TMTC1: variants seen among roughly 807,000 people sequenced by gnomAD.
The protein encoded by TMTC1 is transmembrane O-mannosyltransferase targeting cadherins 1, also known as protein O-mannosyl-transferase TMTC1.
TMTC1 carries 73 observed loss-of-function variants against 104.8 expected under a neutral mutation model. The observed-to-expected ratio is 0.70, with a 90% CI of 0.58 to 0.85. The LOEUF is 0.85. Among genes scored for constraint, TMTC1 ranks in the 40% least tolerant of loss-of-function variants. The pLI, the probability that TMTC1 is intolerant of heterozygous loss-of-function variation, is 0.00. For missense variants in TMTC1, 1,035 were observed against 1,096.1 expected (o/e 0.94, Z 0.79); for synonymous variants, 434 against 428.7 (o/e 1.01, Z -0.15).
chr12:29,547,597 T>G (rs1944975271), intron 10 of TMTC1, among the ~76,000 whole-genome samples: 1 of 152,222 alleles, frequency 6.6e-6, no homozygotes, highest in South Asian at 2.1e-4. Context: ...AGTTCTCTAT[T>G]TAAAACCTCA....
chr12:29,686,079 A>T (rs1565768596), intron 5 of TMTC1, among the ~76,000 whole-genome samples: 1 of 152,134 alleles, frequency 6.6e-6, no homozygotes, highest in Non-Finnish European at 1.5e-5. Context: ...TAAAACTTTC[A>T]CTAAGATCAC....
intron 10 of TMTC1, among the ~76,000 whole-genome samples, chr12:29,550,263 G>C (rs900168423): frequency 2.0e-5 from 3 of 152,152 alleles, no homozygotes; most frequent in Non-Finnish European, 4.4e-5. Flanking sequence ...GTGTGAAAGA[G>C]TCTAAGTTGA....
intron 5 of TMTC1, among the ~76,000 whole-genome samples, chr12:29,712,369 C>T (rs1044828067): frequency 1.3e-5 from 2 of 152,198 alleles, no homozygotes; most frequent in Non-Finnish European, 2.9e-5. Flanking sequence ...CTATCACCTT[C>T]CATTTACCAA....
At chr12:29,644,481 A>G (rs1939179907) in intron 5 of TMTC1, among the ~76,000 whole-genome samples, 1 of 152,030 alleles carries the variant, frequency 6.6e-6, no homozygotes, top group South Asian at 2.1e-4. Flanking sequence ...TCACATAACC[A>G]AATACCACCT....
chr12:29,527,870 A>G (rs1404871902), intron 11 of TMTC1, among the ~76,000 whole-genome samples: 2 of 152,214 alleles, frequency 1.3e-5, no homozygotes, highest in Admixed American at 6.5e-5. Flanking sequence ...GATATTTTCA[A>G]AATCCAAAGA....
At chr12:29,589,605 C>T (rs1255046289) in intron 7 of TMTC1, among the ~76,000 whole-genome samples, 1 of 152,176 alleles carries the variant, frequency 6.6e-6, no homozygotes, top group Non-Finnish European at 1.5e-5. Context: ...CTTGTAGGAA[C>T]AGAGCTGCCA....
At chr12:29,747,285 A>G (rs1040483968) in intron 5 of TMTC1, among the ~76,000 whole-genome samples, 4 of 152,202 alleles carry the variant, frequency 2.6e-5, no homozygotes, top group Non-Finnish European at 4.4e-5. Flanking sequence ...TTTACACACA[A>G]AACATTTCTC....
intron 5 of TMTC1, among the ~76,000 whole-genome samples, chr12:29,694,841 G>T (rs573450028): frequency 3.3e-5 from 5 of 152,284 alleles, no homozygotes; most frequent in African/African-American, 9.6e-5. Context: ...TTGGGAGGCT[G>T]GGGCAGGAGA....
intron 6 of TMTC1, chr12:29,613,929 A>G: frequency 2.0e-6 from 2 of 981,274 alleles, no homozygotes; most frequent in Non-Finnish European, 2.4e-6. Context: ...TGATTCATCT[A>G]TCCACTTGGA....
intron 5 of TMTC1, among the ~76,000 whole-genome samples, chr12:29,634,863 C>T (rs969772490): frequency 6.6e-6 from 1 of 152,166 alleles, no homozygotes; most frequent in Non-Finnish European, 1.5e-5. Flanking sequence ...AGCGTCAGTT[C>T]ACCCTGAATT....
Position 29,758,781 on chromosome 12 carries a change from G to A in TMTC1, c.481-4C>T. On this transcript the variant is annotated splice_polypyrimidine_tract_variant and splice_region_variant and intron_variant, in intron 2 of 17. Transcript: ENST00000539277. ...CTCTGCCAACGATCCCAGCCACCTT[G>A]GAAGTTAAAATAATAAAAAATGAAA... 1.3e-6 allele frequency: 2 copies of A among 1,593,326 alleles called. No individual in the cohort carries two copies. Among genetic ancestry groups the A allele is most frequent in the Non-Finnish European group, 1.7e-6 (2 of 1,172,322 alleles).
intron 5 of TMTC1, among the ~76,000 whole-genome samples, chr12:29,692,706 T>TTA (rs2136762002): frequency 6.9e-6 from 1 of 145,456 alleles, no homozygotes; most frequent in East Asian, 2.3e-4. Flanking sequence ...GTATAGAGTA[T>TTA]TATTCACGAC....
intron 10 of TMTC1, among the ~76,000 whole-genome samples, chr12:29,551,586 G>A (rs1023029329): frequency 6.6e-6 from 1 of 152,070 alleles, no homozygotes; most frequent in Non-Finnish European, 1.5e-5. Context: ...AATAAGGGAG[G>A]TATGACATGG....
intron 9 of TMTC1, among the ~76,000 whole-genome samples, chr12:29,557,908 C>T (rs1373551882): frequency 1.3e-5 from 2 of 152,088 alleles, no homozygotes; most frequent in African/African-American, 2.4e-5. Context: ...CAGTTTGGTT[C>T]CACCTGTCCT....
At chr12:29,691,915 C>T (rs1941280398) in intron 5 of TMTC1, among the ~76,000 whole-genome samples, 1 of 144,312 alleles carries the variant, frequency 6.9e-6, no homozygotes, top group Non-Finnish European at 1.5e-5. Flanking sequence ...CTGTAAAAGG[C>T]ATTATAGAAG....
chr12:29,662,437 G>A (rs1161025462), intron 5 of TMTC1, among the ~76,000 whole-genome samples: 13 of 152,036 alleles, frequency 8.6e-5, no homozygotes, highest in Admixed American at 7.9e-4. Flanking sequence ...GGATCACGAG[G>A]TCAGGAGTTC....
At chr12:29,634,240 A>T (rs78797845) in intron 5 of TMTC1, among the ~76,000 whole-genome samples, 32 of 152,296 alleles carry the variant, frequency 2.1e-4, no homozygotes, top group Non-Finnish European at 3.8e-4. Context: ...AAATGTGCTT[A>T]TGACTGTGAA....
At chr12:29,540,674 G>A (rs999724291) in intron 10 of TMTC1, among the ~76,000 whole-genome samples, 10 of 38,160 alleles carry the variant, frequency 2.6e-4, no homozygotes, top group African/African-American at 9.7e-4. Context: ...AATAATTGCT[G>A]CATTCGTTTA....
intron 10 of TMTC1, among the ~76,000 whole-genome samples, chr12:29,549,771 G>A (rs963383470): frequency 2.0e-5 from 3 of 152,148 alleles, no homozygotes; most frequent in Non-Finnish European, 4.4e-5. Flanking sequence ...ACAGGGCACT[G>A]AGGAGGGGAA....
Sources: gnomAD v4.1 joint callset for allele counts (sites outside exome capture counted in the v4.1 genomes callset) on GRCh38, gnomAD v4.1.1 for gene constraint, MANE v1.5 for transcripts, NCBI Gene and HGNC (gene_info 2026-07-23, HGNC 2026-07-21) for gene names.